ZNF71: variants seen among roughly 807,000 people sequenced by gnomAD.
ZNF71 encodes the protein endothelial zinc finger protein induced by tumor necrosis factor alpha.
In ZNF71, 3 loss-of-function variants were observed where a neutral mutation model predicts 6.7. That is an observed-to-expected ratio of 0.45 (90% CI 0.20 to 1.16). ZNF71 has a LOEUF of 1.16. Ranked by LOEUF, ZNF71 falls within the 50% of genes most tolerant of loss-of-function variation. The pLI, the probability that ZNF71 is intolerant of heterozygous loss-of-function variation, is 0.25. For missense variants in ZNF71, 688 were observed against 728.6 expected, an observed-to-expected ratio of 0.94 and a Z score of 0.64; for synonymous variants, 343 against 311.1, an observed-to-expected ratio of 1.10 and a Z score of -1.08.
In ZNF71 at chr19:56,598,502, G is replaced by C. The variant is rs1248077206; in HGVS notation, c.-52-3005G>C. 2.0e-5 allele frequency among the ~76,000 whole-genome samples: 3 copies of C among 152,152 alleles called. No homozygotes were observed. Among genetic ancestry groups the C allele is most frequent in the Admixed American group, 2.0e-4 (3 of 15,284 alleles). On this transcript the variant is annotated intron_variant, in intron 1 of 3. Transcript: ENST00000599599. The surrounding 1 kb of genome is among the most constrained non-coding windows in gnomAD (Gnocchi z 4.2). Reference sequence around the variant, plus strand: ...TTACAGTTGGCCAGGTGTGGTGCCCGGGTACAGGCATTAAGTGGTAGGAAC... The same window carrying C: ...TTACAGTTGGCCAGGTGTGGTGCCCCGGTACAGGCATTAAGTGGTAGGAAC...
At chr19:56,611,405 G>A (rs537720703) in intron 2 of ZNF71, among the ~76,000 whole-genome samples, 98 of 152,284 alleles carry the variant, frequency 6.4e-4, no homozygotes, top group Middle Eastern at 3.4e-3. Context: ...CAGTAGCTGT[G>A]TGCTTTGGTC....
At chr19:56,612,964 G>C (rs1169038505) in intron 2 of ZNF71, among the ~76,000 whole-genome samples, 1 of 152,072 alleles carries the variant, frequency 6.6e-6, no homozygotes, top group Non-Finnish European at 1.5e-5. Flanking sequence ...AATTGGAGGG[G>C]CTCATAATTC....
rs958801845 is a variant in ZNF71, at chr19:56,613,278, C to G, written c.34-534C>G. The stretch of plus-strand genomic sequence containing the variant: ...ACTCAAAGTCTTCCTGGGCACCCCC[C>G]ACAGCTGGCATTACTCAGGCACCTG... On this transcript the variant is annotated intron_variant, in intron 2 of 3. Coordinates refer to ENST00000599599, the MANE Select transcript of ZNF71 (RefSeq NM_001370215.1). This position sits in a 1 kb window ranked among gnomAD's most constrained non-coding sequence, Gnocchi z 4.6. Among the ~76,000 whole-genome samples, 37 of 152,218 alleles carry G rather than the reference C, an allele frequency of 2.4e-4. No homozygotes were observed. The highest frequency in any genetic ancestry group is 8.4e-4 in the African/African-American group (35 of 41,454).
Position 56,598,997 on chromosome 19 carries a change from C to T in ZNF71, c.-52-2510C>T, listed in dbSNP as rs2044646794. Among the ~76,000 whole-genome samples, 1 of 152,082 alleles carries T rather than the reference C, an allele frequency of 6.6e-6. No individual in the cohort carries two copies. Among genetic ancestry groups the T allele is most frequent in the Non-Finnish European group, 1.5e-5 (1 of 68,022 alleles). On this transcript the variant is annotated intron_variant, in intron 1 of 3. Transcript: ENST00000599599. The surrounding 1 kb of genome is among the most constrained non-coding windows in gnomAD (Gnocchi z 4.2). Reference sequence around the variant, plus strand: ...GATTCAGAGGATCTGAGGTGGGGGGCAGGAATATATATTCTGAGTGAGATT... The same window carrying T: ...GATTCAGAGGATCTGAGGTGGGGGGTAGGAATATATATTCTGAGTGAGATT...
At position 56,603,171 on chromosome 19, in the gene ZNF71, AT is replaced by A. The variant is rs1284196567; in HGVS notation, c.33+1584del. On this transcript the variant is annotated intron_variant, in intron 2 of 3. Transcript: ENST00000599599. The surrounding 1 kb of genome is among the most constrained non-coding windows in gnomAD (Gnocchi z 4.6). ...CCATCACCACAGTCCATTTCAGAAT[AT>A]TTTCATCATCCTGAAAAAGAGCCGA... Among the ~76,000 whole-genome samples, 3 of 152,120 alleles carry A rather than the reference AT, an allele frequency of 2.0e-5. No homozygotes were observed.
Position 56,621,357 on chromosome 19 carries a change from G to T in ZNF71, c.250G>T (p.Gly84Ter), listed in dbSNP as rs765132480. Residue 84 changes from glycine (G) to a stop codon, truncating the protein, a stop_gained, in exon 4 of 4, where the codon GGA becomes TGA. Transcript: ENST00000599599. LOFTEE classifies it low-confidence loss of function (END_TRUNC). ...KLSVVGEATG[G>*]PTRNGARGPG... ...CTCCGTTGTTGGGGAGGCCACGGGG[G>T]GACCCACGAGGAATGGTGCCAGGGG... 2.5e-6 allele frequency: 4 copies of T among 1,575,078 alleles called. No homozygotes were observed. Among genetic ancestry groups the T allele is most frequent in the African/African-American group, 1.4e-5 (1 of 73,746 alleles).
chr19:56,616,150 A>G (rs1323066396), intron 3 of ZNF71, among the ~76,000 whole-genome samples: 1 of 152,132 alleles, frequency 6.6e-6, no homozygotes, highest in Non-Finnish European at 1.5e-5. Context: ...TCTGTAAGTT[A>G]TATAGTTTTA....
rs1169322389 is a variant in ZNF71 at position 56,600,185 on chromosome 19, AT to A, written c.-52-1299del. Among the ~76,000 whole-genome samples, 29 of 24,914 alleles carry A rather than the reference AT, an allele frequency of 1.2e-3. 1 individual carries two copies. The highest frequency in any genetic ancestry group is 3.0e-3 in the African/African-American group (6 of 1,998). 16.3% of individuals were successfully genotyped at this position (24,914 alleles called of 152,430 possible). A position where few individuals can be genotyped will look rare whatever the true frequency, so the allele number is the denominator to read the frequency against. On this transcript the variant is annotated intron_variant, in intron 1 of 3. Coordinates refer to ENST00000599599, the MANE Select transcript of ZNF71 (RefSeq NM_001370215.1). ...ATCTTGGCTCACTGCAACCCTCTGT[AT>A]TTTTTTTTTTTTTTTTTTTTTTGAG...
At chr19:56,608,466 G>A (rs1187657667) in intron 2 of ZNF71, among the ~76,000 whole-genome samples, 1 of 151,962 alleles carries the variant, frequency 6.6e-6, no homozygotes, top group Non-Finnish European at 1.5e-5. Context: ...TTTAAAGGCG[G>A]AATAATATCC....
At chr19:56,615,530 G>T (rs973006096) in intron 3 of ZNF71, among the ~76,000 whole-genome samples, 1 of 146,968 alleles carries the variant, frequency 6.8e-6, no homozygotes, top group Admixed American at 6.8e-5. Flanking sequence ...TATTCTCTTT[G>T]GTAAAGTATC....
chr19:56,595,473 G>C (rs11883235), intron 1 of ZNF71, 45 bp downstream of exon 1: 9,431 of 158,316 alleles, frequency 0.06, 908 homozygotes, highest in African/African-American at 0.2. Context: ...GCGTGCGGGC[G>C]CAGGAGAGGG....
chr19:56,614,033 C>A, intron 3 of ZNF71, 95 bp downstream of exon 3: 2 of 991,906 alleles, frequency 2.0e-6, no homozygotes, highest in Non-Finnish European at 2.4e-6. Context: ...GATCTGACTA[C>A]ATGGAAAGTT....
intron 2 of ZNF71, among the ~76,000 whole-genome samples, chr19:56,612,991 T>G (rs533005981): frequency 5.9e-5 from 9 of 152,238 alleles, no homozygotes; most frequent in African/African-American, 2.2e-4. Context: ...TACCAACCAC[T>G]TAGAGTAGTA....
chr19:56,602,717 A>G (rs1281942074), intron 2 of ZNF71, among the ~76,000 whole-genome samples: 2 of 152,294 alleles, frequency 1.3e-5, no homozygotes, highest in East Asian at 3.9e-4. Context: ...AGTATGCTTT[A>G]AAGACTTTAC....
intron 2 of ZNF71, chr19:56,610,302 T>G (rs1288772755): frequency 6.6e-6 from 1 of 152,256 alleles, no homozygotes; most frequent in East Asian, 1.9e-4. Flanking sequence ...GGTCTGCGCC[T>G]GTATAAGCAC....
intron 3 of ZNF71, among the ~76,000 whole-genome samples, chr19:56,615,135 G>A (rs1394384796): frequency 1.3e-5 from 2 of 152,054 alleles, no homozygotes; most frequent in African/African-American, 2.4e-5. Context: ...TCAGCCATTC[G>A]CCTGGTGATC....
At chr19:56,595,493 C>G (rs1356223143) in intron 1 of ZNF71, 65 bp downstream of exon 1, 2 of 160,598 alleles carry the variant, frequency 1.2e-5, no homozygotes, top group Admixed American at 6.5e-5. Context: ...GCGTGCAGGC[C>G]GGGACCGAGG....
At chr19:56,612,539 C>T (rs989792106) in intron 2 of ZNF71, among the ~76,000 whole-genome samples, 6 of 152,120 alleles carry the variant, frequency 3.9e-5, no homozygotes, top group African/African-American at 1.2e-4. Flanking sequence ...AAACCAAATG[C>T]TGTGTGTTCT....
chr19:56,622,696 A>T lies in ZNF71; in HGVS notation c.1589A>T (p.Glu530Val). The change falls in exon 4 of 4, where the codon GAG (glutamate) becomes GTG (valine). Residue 530 changes from glutamate (E) to valine (V), a missense_variant. Physicochemically the swap from Glu to Val is moderately radical, Grantham distance 121 (BLOSUM62 -2). Coordinates refer to ENST00000599599, the MANE Select transcript of ZNF71 (RefSeq NM_001370215.1). ...HTGEKPYRCG[E>V]CGKTFSRNTN... ...GGCGAGAAGCCCTACCGATGCGGCGAGTGCGGGAAGACCTTCAGCCGCAAC... is the reference window on the plus strand; with the variant it reads ...GGCGAGAAGCCCTACCGATGCGGCGTGTGCGGGAAGACCTTCAGCCGCAAC... The T allele has an allele frequency of 6.2e-7, 1 of 1,613,804 alleles. No homozygotes were observed. The highest frequency in any genetic ancestry group is 2.2e-5 in the East Asian group (1 of 44,870).
Sources: allele counts gnomAD v4.1 joint callset (sites outside exome capture counted in the v4.1 genomes callset), GRCh38; gene constraint gnomAD v4.1.1; non-coding constraint Gnocchi (gnomAD v3.1); transcripts MANE v1.5; gene names NCBI Gene and HGNC (gene_info 2026-07-23, HGNC 2026-07-21).